SEMA6D: variants seen among roughly 807,000 people sequenced by gnomAD.
SEMA6D encodes the protein semaphorin-6D.
A neutral mutation model predicts 106.6 loss-of-function variants in SEMA6D; 35 were observed. The observed-to-expected ratio is 0.33, with a 90% CI of 0.25 to 0.44. The LOEUF is 0.44. Ranked by LOEUF, SEMA6D falls within the 20% of genes least tolerant of loss-of-function variation. The pLI is 1.00. For synonymous variants in SEMA6D, 499 were observed against 487.7 expected (o/e 1.02, Z -0.31); for missense variants, 1,185 against 1,345.9 (o/e 0.88, Z 1.87).
At chr15:47,210,883 C>T (rs912232777) in intron 1 of SEMA6D, among the ~76,000 whole-genome samples, 1 of 150,720 alleles carries the variant, frequency 6.6e-6, no homozygotes, top group South Asian at 2.1e-4. Context: ...ATAACACATA[C>T]TATGGTTTTT....
intron 1 of SEMA6D, among the ~76,000 whole-genome samples, chr15:47,252,610 C>A (rs1305981356): frequency 6.6e-6 from 1 of 152,200 alleles, no homozygotes; most frequent in Non-Finnish European, 1.5e-5. Context: ...ATAAGATCAA[C>A]TTTCCTAGAT....
chr15:47,442,333 C>A (rs1177889543), intron 2 of SEMA6D, among the ~76,000 whole-genome samples: 2 of 152,062 alleles, frequency 1.3e-5, no homozygotes, highest in South Asian at 2.1e-4. Context: ...GAGAAAGATA[C>A]CTTCCATGAT....
chr15:47,537,375 C>CAAGGTAG (rs1447566845), intron 3 of SEMA6D, among the ~76,000 whole-genome samples: 1 of 152,106 alleles, frequency 6.6e-6, no homozygotes, highest in Non-Finnish European at 1.5e-5. Flanking sequence ...AATAAGTGTT[C>CAAGGTAG]AAGGTAGAAG....
chr15:47,491,512 T>A (rs2043475429), intron 3 of SEMA6D, among the ~76,000 whole-genome samples: 1 of 152,162 alleles, frequency 6.6e-6, no homozygotes, highest in South Asian at 2.1e-4. Flanking sequence ...CTTTAAAAAA[T>A]AAGGGAACTA....
chr15:47,185,956 T>G (rs1371148367), intron 1 of SEMA6D, among the ~76,000 whole-genome samples: 1 of 152,106 alleles, frequency 6.6e-6, no homozygotes, highest in East Asian at 1.9e-4. Flanking sequence ...ATTATTAAAT[T>G]ATTATGATTT....
At chr15:47,367,678 AC>A (rs2039090301) in intron 1 of SEMA6D, among the ~76,000 whole-genome samples, 1 of 137,592 alleles carries the variant, frequency 7.3e-6, no homozygotes, top group Non-Finnish European at 1.5e-5. Flanking sequence ...GCACGCTCAC[AC>A]GCGCGCGCGC....
chr15:47,276,301 A>G (rs908318689), intron 1 of SEMA6D, among the ~76,000 whole-genome samples: 3 of 152,152 alleles, frequency 2.0e-5, no homozygotes, highest in African/African-American at 4.8e-5. Context: ...CAGATTTTCA[A>G]TGCAGCTGAA....
In SEMA6D at chr15:47,642,690, CA is replaced by C. The variant is rs566713068; in HGVS notation, c.-55+41796del. ...CAAAGGGAATGATGTTGTGGAGCAG[CA>C]AGAGAGGGAACCATCACTTCTGGGG... On this transcript the variant is annotated intron_variant, in intron 4 of 19. Transcript: ENST00000558014. 1.1e-4 allele frequency among the ~76,000 whole-genome samples: 16 copies of C among 152,070 alleles called. 1 individual carries two copies. Among genetic ancestry groups the C allele is most frequent in the Non-Finnish European group, 2.2e-4 (15 of 68,010 alleles).
At chr15:47,217,786 G>T (rs2030789717) in intron 1 of SEMA6D, among the ~76,000 whole-genome samples, 1 of 150,388 alleles carries the variant, frequency 6.6e-6, no homozygotes, top group South Asian at 2.1e-4. Flanking sequence ...TAAATATGTT[G>T]TGCATATGTG....
intron 3 of SEMA6D, among the ~76,000 whole-genome samples, chr15:47,593,330 G>A (rs1003849155): frequency 1.3e-5 from 2 of 149,674 alleles, no homozygotes; most frequent in South Asian, 4.2e-4. Flanking sequence ...GCATGGAGCC[G>A]GGAGGCAGAG....
chr15:47,703,484 A>G (rs1279370411), intron 4 of SEMA6D, among the ~76,000 whole-genome samples: 1 of 152,180 alleles, frequency 6.6e-6, no homozygotes, highest in East Asian at 1.9e-4. Context: ...GCAATATGCA[A>G]ACTTTCACGT....
chr15:47,255,728 G>A (rs1806015706), intron 1 of SEMA6D, among the ~76,000 whole-genome samples: 1 of 151,958 alleles, frequency 6.6e-6, no homozygotes. Context: ...TCTCTTTATG[G>A]ATTATTCATT....
intron 2 of SEMA6D, among the ~76,000 whole-genome samples, chr15:47,419,905 A>G (rs1040589419): frequency 6.6e-5 from 10 of 152,080 alleles, no homozygotes; most frequent in African/African-American, 2.2e-4. Context: ...TGATGTGGTG[A>G]CTGATCTGCC....
At chr15:47,711,289 G>A (rs1443997737) in intron 4 of SEMA6D, among the ~76,000 whole-genome samples, 1 of 120,146 alleles carries the variant, frequency 8.3e-6, no homozygotes. Flanking sequence ...CAGCCTGGGC[G>A]ACAGAGCGAG....
At chr15:47,422,663 G>A (rs1018411676) in intron 2 of SEMA6D, among the ~76,000 whole-genome samples, 1 of 151,984 alleles carries the variant, frequency 6.6e-6, no homozygotes, top group Non-Finnish European at 1.5e-5. Context: ...TCTTACTTCA[G>A]TAAACCATTT....
intron 1 of SEMA6D, among the ~76,000 whole-genome samples, chr15:47,287,744 A>G (rs144926032): frequency 2.0e-5 from 3 of 152,142 alleles, no homozygotes; most frequent in African/African-American, 7.2e-5. Flanking sequence ...ACTTATTCAC[A>G]TTCACTTCAT....
rs1315618131 is a variant in SEMA6D at position 47,263,442 on chromosome 15, G to GA, written c.-239+79030dup. On this transcript the variant is annotated intron_variant, in intron 1 of 19. Coordinates refer to the SEMA6D transcript ENST00000558014. ...TATACATGAGGCCAACAATCATCTGGAAAAAAGGCTCATTACTGATTCATC... is the reference window on the plus strand; with the variant it reads ...TATACATGAGGCCAACAATCATCTGGAAAAAAAGGCTCATTACTGATTCATC... Among the ~76,000 whole-genome samples the GA allele has an allele frequency of 3.3e-5, 5 of 151,938 alleles. No homozygotes were observed. The South Asian group carries it at 1.0e-3, about 32-fold the overall frequency.
chr15:47,397,846 G>T (rs1203585680), intron 1 of SEMA6D: 3 of 152,062 alleles, frequency 2.0e-5, no homozygotes, highest in African/African-American at 7.2e-5. Context: ...TTCACTGTTT[G>T]TTGAGATTTT....
intron 2 of SEMA6D, among the ~76,000 whole-genome samples, chr15:47,422,180 G>GCCTGCCTGCCTGCCTT (rs1455030787): frequency 1.1e-3 from 124 of 112,876 alleles, no homozygotes; most frequent in African/African-American, 3.6e-3. Flanking sequence ...CCGCCTGCCT[G>GCCTGCCTGCCTGCCTT]CCTTCCTTCC....
Sources: allele counts gnomAD v4.1 joint callset (sites outside exome capture counted in the v4.1 genomes callset), GRCh38; gene constraint gnomAD v4.1.1; transcripts MANE v1.5; gene names NCBI Gene and HGNC (gene_info 2026-07-23, HGNC 2026-07-21).